Variants in OXR1 observed in about 807,000 individuals in gnomAD.
OXR1 encodes the protein oxidation resistance protein 1.
Under a neutral mutation model 104.6 loss-of-function variants are expected in OXR1, and 41 were observed. That is an observed-to-expected ratio of 0.39 (90% CI 0.31 to 0.51). The LOEUF is 0.51. Among genes scored for constraint, OXR1 ranks in the 20% least tolerant of loss-of-function variants. The pLI is 0.77. For missense variants in OXR1, 955 were observed against 1,031.9 expected, an observed-to-expected ratio of 0.93 and a Z score of 1.02; for synonymous variants, 348 against 348.4, an observed-to-expected ratio of 1.00 and a Z score of 0.01.
At chr8:106,405,173 TATATATATATATATATATATATATATATA>T (rs1315983209) in intron 2 of OXR1, among the ~76,000 whole-genome samples, 2,740 of 35,066 alleles carry the variant, frequency 0.078, 118 homozygotes, top group African/African-American at 0.2. Context: ...TATATATATA[TATATATATATATATATATATATATATATA>T]GTGTGTGTGT....
At chr8:106,501,406 G>A (rs1331367452) in intron 2 of OXR1, among the ~76,000 whole-genome samples, 2 of 152,246 alleles carry the variant, frequency 1.3e-5, no homozygotes, top group Non-Finnish European at 2.9e-5. Context: ...ATGGGATCTT[G>A]CAGAGTATGG....
intron 1 of OXR1, 77 bp from the exon 2 acceptor site, chr8:106,359,399 G>T: frequency 1.9e-6 from 1 of 522,566 alleles, no homozygotes; most frequent in Non-Finnish European, 3.4e-6. Context: ...CAAAACCATT[G>T]ATTTGGATGA....
chr8:106,303,915 G>A (rs1194665082), intron 1 of OXR1, among the ~76,000 whole-genome samples: 2 of 151,940 alleles, frequency 1.3e-5, no homozygotes, highest in African/African-American at 4.8e-5. Context: ...CTCTTTTTTA[G>A]CTATGCAAAT....
Position 106,725,938 on chromosome 8 carries a change from T to C in OXR1, c.1957-11582T>C, listed in dbSNP as rs764527155. On this transcript the variant is annotated intron_variant, in intron 11 of 16. Transcript: ENST00000517566. Reference sequence around the variant, plus strand: ...ATTCATGTACTGATGTTTGGAAATATAGGCTCTGTGTCTTTAAACTTTTGA... The same window carrying C: ...ATTCATGTACTGATGTTTGGAAATACAGGCTCTGTGTCTTTAAACTTTTGA... 1.8e-5 allele frequency: 5 copies of C among 281,520 alleles called. No homozygotes were observed. The East Asian group carries it at 2.2e-4, about 12-fold the overall frequency. The allele number at this position is 281,520 out of a possible 1,614,324, so 17.4% of individuals were successfully genotyped here. A position where few individuals can be genotyped will look rare whatever the true frequency, so the allele number is the denominator to read the frequency against.
intron 1 of OXR1, among the ~76,000 whole-genome samples, chr8:106,299,521 T>C (rs1477345395): frequency 2.0e-5 from 3 of 152,162 alleles, no homozygotes; most frequent in African/African-American, 7.2e-5. Flanking sequence ...GGGCAACTGT[T>C]CCATCTGATA....
At chr8:106,657,736 A>G in intron 3 of OXR1, 2 of 759,352 alleles carry the variant, frequency 2.6e-6, no homozygotes, top group South Asian at 6.8e-5. Context: ...CTCATTTTGC[A>G]TTTAGAAGCC....
chr8:106,448,028 G>A (rs1042823071), intron 2 of OXR1: 24 of 1,535,652 alleles, frequency 1.6e-5, no homozygotes, highest in Non-Finnish European at 2.0e-5. Flanking sequence ...CAGAAATGAC[G>A]AAGGACAAAA....
chr8:106,344,853 T>A (rs1278489954), intron 1 of OXR1, among the ~76,000 whole-genome samples: 1 of 152,244 alleles, frequency 6.6e-6, no homozygotes, highest in Non-Finnish European at 1.5e-5. Context: ...TATGCCTTTC[T>A]CTTACATGCC....
chr8:106,635,874 C>A (rs1423629955), intron 3 of OXR1, among the ~76,000 whole-genome samples: 2 of 152,160 alleles, frequency 1.3e-5, no homozygotes, highest in African/African-American at 2.4e-5. Flanking sequence ...TGGTCTGGGG[C>A]AGTTTTAGAT....
chr8:106,368,623 T>C (rs1031473134), intron 2 of OXR1, among the ~76,000 whole-genome samples: 1 of 151,492 alleles, frequency 6.6e-6, no homozygotes, highest in African/African-American at 2.4e-5. Context: ...AATGTTCAAC[T>C]CTTGCTTATG....
intron 3 of OXR1, among the ~76,000 whole-genome samples, chr8:106,560,512 G>A (rs1816598460): frequency 6.6e-6 from 1 of 152,104 alleles, no homozygotes; most frequent in Non-Finnish European, 1.5e-5. Context: ...ACAGATAACT[G>A]GTTCAGATTC....
At chr8:106,727,328 G>T (rs1833442199) in intron 11 of OXR1, among the ~76,000 whole-genome samples, 1 of 152,008 alleles carries the variant, frequency 6.6e-6, no homozygotes, top group African/African-American at 2.4e-5. Context: ...ATAAATTGTG[G>T]TTATTCTGAA....
At chr8:106,280,356 T>TGTTGAC (rs2130492485) in intron 1 of OXR1, among the ~76,000 whole-genome samples, 1 of 152,276 alleles carries the variant, frequency 6.6e-6, no homozygotes, top group African/African-American at 2.4e-5. Flanking sequence ...AGTCTAAAGG[T>TGTTGAC]GTTGACACGG....
intron 3 of OXR1, among the ~76,000 whole-genome samples, chr8:106,575,713 AAGAG>A (rs1817778189): frequency 6.7e-6 from 1 of 150,104 alleles, no homozygotes. Flanking sequence ...AAAAAAAAAA[AAGAG>A]AAAGGGGCTT....
intron 1 of OXR1, among the ~76,000 whole-genome samples, chr8:106,276,013 T>G (rs1296579784): frequency 1.3e-5 from 2 of 152,208 alleles, no homozygotes; most frequent in African/African-American, 4.8e-5. Context: ...CTTTCAGTCT[T>G]CTTTATAAAT....
At chr8:106,542,592 G>C (rs926018136) in intron 3 of OXR1, among the ~76,000 whole-genome samples, 2 of 151,982 alleles carry the variant, frequency 1.3e-5, no homozygotes, top group Non-Finnish European at 2.9e-5. Context: ...TAAATTTCCA[G>C]TACGGGTTAG....
At chr8:106,618,496 G>A (rs571345012) in intron 3 of OXR1, among the ~76,000 whole-genome samples, 47 of 152,282 alleles carry the variant, frequency 3.1e-4, no homozygotes, top group African/African-American at 1.0e-3. Context: ...GATTCCATAA[G>A]TACTCCCAGA....
intron 1 of OXR1, among the ~76,000 whole-genome samples, chr8:106,319,288 C>T (rs1025833035): frequency 3.9e-5 from 6 of 152,166 alleles, no homozygotes; most frequent in African/African-American, 1.4e-4. Context: ...ACTGTCTTCC[C>T]TCTTTGCCGC....
At chr8:106,488,838 A>T (rs1430206431) in intron 2 of OXR1, among the ~76,000 whole-genome samples, 2 of 150,412 alleles carry the variant, frequency 1.3e-5, no homozygotes, top group Non-Finnish European at 3.0e-5. Context: ...CTTGTAGTAT[A>T]GTTTGAAGTC....
Sources: gnomAD v4.1 joint callset for allele counts (sites outside exome capture counted in the v4.1 genomes callset) on GRCh38, gnomAD v4.1.1 for gene constraint, MANE v1.5 for transcripts, NCBI Gene and HGNC (gene_info 2026-07-23, HGNC 2026-07-21) for gene names.